Variants in GRIK2 observed in about 807,000 individuals in gnomAD.
GRIK2 encodes the protein glutamate receptor ionotropic, kainate 2.
A neutral mutation model predicts 100.3 loss-of-function variants in GRIK2; 32 were observed. That is an observed-to-expected ratio of 0.32 (90% confidence interval 0.24 to 0.43). GRIK2 has a LOEUF of 0.43. Ranked by LOEUF, GRIK2 falls within the 20% of genes least tolerant of loss-of-function variation. GRIK2 has a pLI of 1.00. For synonymous variants in GRIK2, 417 were observed against 389.4 expected (o/e 1.07, Z -0.83); for missense variants, 843 against 1,114.9 (o/e 0.76, Z 3.47).
At chr6:101,834,211 C>A (rs1477174611) in intron 10 of GRIK2, among the ~76,000 whole-genome samples, 1 of 151,932 alleles carries the variant, frequency 6.6e-6, no homozygotes, top group Non-Finnish European at 1.5e-5. Flanking sequence ...ACATAAAATT[C>A]TTTGAGGCTT....
chr6:102,061,788 T>C (rs1378211231), intron 16 of GRIK2, among the ~76,000 whole-genome samples: 1 of 150,498 alleles, frequency 6.6e-6, no homozygotes, highest in Non-Finnish European at 1.5e-5. Context: ...CATAACTGGC[T>C]TATAACAAGC....
chr6:101,520,608 G>A (rs1361181165), intron 2 of GRIK2, among the ~76,000 whole-genome samples: 1 of 152,000 alleles, frequency 6.6e-6, no homozygotes, highest in Non-Finnish European at 1.5e-5. Flanking sequence ...AACTGACCAA[G>A]AACTTCTTGT....
chr6:101,789,072 ATTTG>A (rs1163861014), intron 7 of GRIK2, among the ~76,000 whole-genome samples: 5 of 151,744 alleles, frequency 3.3e-5, no homozygotes, highest in African/African-American at 1.2e-4. Context: ...TTTCTTGTCA[ATTTG>A]TTTGAGTTCA....
chr6:101,804,664 T>C (rs942333826), intron 9 of GRIK2, among the ~76,000 whole-genome samples: 3 of 151,784 alleles, frequency 2.0e-5, no homozygotes, highest in Non-Finnish European at 4.4e-5. Flanking sequence ...AGTAGGGGAA[T>C]TACTAGTAGA....
chr6:101,445,604 C>A (rs1368860668), intron 2 of GRIK2, among the ~76,000 whole-genome samples: 1 of 152,076 alleles, frequency 6.6e-6, no homozygotes, highest in Non-Finnish European at 1.5e-5. Context: ...AATTTTCTTT[C>A]ATCTTTCCAT....
chr6:101,875,816 T>A (rs1397602989), intron 11 of GRIK2, among the ~76,000 whole-genome samples: 1 of 151,956 alleles, frequency 6.6e-6, no homozygotes, highest in African/African-American at 2.4e-5. Context: ...CTTAGGAAGC[T>A]TAGACTGATC....
At chr6:101,802,867 A>G (rs1439447593) in intron 9 of GRIK2, among the ~76,000 whole-genome samples, 1 of 151,812 alleles carries the variant, frequency 6.6e-6, no homozygotes, top group Non-Finnish European at 1.5e-5. Context: ...TATTTAAGTG[A>G]AATATTTGAA....
intron 2 of GRIK2, among the ~76,000 whole-genome samples, chr6:101,518,917 T>A (rs2399709): frequency 0.1 from 15,636 of 152,146 alleles, 969 homozygotes; most frequent in Middle Eastern, 0.14. Context: ...AATGCTGATT[T>A]TTAAACAAGT....
chr6:101,874,737 T>C (rs1408812693), intron 11 of GRIK2, among the ~76,000 whole-genome samples: 1 of 151,402 alleles, frequency 6.6e-6, no homozygotes. Context: ...GAGCATGGAG[T>C]GTTCTTCCAT....
At chr6:101,771,151 T>A (rs1456343318) in intron 7 of GRIK2, among the ~76,000 whole-genome samples, 1 of 152,274 alleles carries the variant, frequency 6.6e-6, no homozygotes, top group Non-Finnish European at 1.5e-5. Flanking sequence ...TGTTATCATT[T>A]GATTCTTTCA....
chr6:101,837,169 G>C (rs1240144876), intron 10 of GRIK2, among the ~76,000 whole-genome samples: 1 of 152,090 alleles, frequency 6.6e-6, no homozygotes, highest in Non-Finnish European at 1.5e-5. Context: ...ACAATAGATA[G>C]ATTCTGTTTG....
At chr6:102,039,353 C>T (rs966776713) in intron 15 of GRIK2, among the ~76,000 whole-genome samples, 2 of 151,554 alleles carry the variant, frequency 1.3e-5, no homozygotes, top group Non-Finnish European at 1.5e-5. Flanking sequence ...ACTGCAGCAA[C>T]GTTATTTTAA....
At chr6:101,637,901 T>C (rs1294821253) in intron 4 of GRIK2, among the ~76,000 whole-genome samples, 1 of 152,212 alleles carries the variant, frequency 6.6e-6, no homozygotes, top group Non-Finnish European at 1.5e-5. Context: ...GATGTGTCTT[T>C]CCCATTTGGT....
At chr6:101,874,156 C>T (rs1447571921) in intron 11 of GRIK2, among the ~76,000 whole-genome samples, 2 of 152,116 alleles carry the variant, frequency 1.3e-5, no homozygotes, top group East Asian at 1.9e-4. Flanking sequence ...GTGTTTTAGA[C>T]ATGAAGTCCT....
chr6:101,907,345 A>T (rs1279234550), intron 12 of GRIK2, among the ~76,000 whole-genome samples: 2 of 150,470 alleles, frequency 1.3e-5, no homozygotes, highest in Non-Finnish European at 3.0e-5. Context: ...TGCATACAGC[A>T]TTTCAAATAA....
At chr6:102,027,556 G>A (rs1769767897) in intron 14 of GRIK2, among the ~76,000 whole-genome samples, 1 of 138,194 alleles carries the variant, frequency 7.2e-6, no homozygotes, top group African/African-American at 2.5e-5. Flanking sequence ...TCTTTGCATG[G>A]TGGATGTGTT....
At chr6:101,846,215 A>G (rs991061599) in intron 10 of GRIK2, among the ~76,000 whole-genome samples, 5 of 152,244 alleles carry the variant, frequency 3.3e-5, no homozygotes, top group Admixed American at 3.3e-4. Context: ...TTGGTGTCAT[A>G]TCAAAAAATC....
chr6:101,542,193 C>G (rs998171248), intron 2 of GRIK2, among the ~76,000 whole-genome samples: 1 of 151,304 alleles, frequency 6.6e-6, no homozygotes, highest in African/African-American at 2.4e-5. Context: ...AAAAGTAGAA[C>G]TAATCATAGT....
chr6:101,859,384 C>T lies in GRIK2; in HGVS notation c.1415C>T (p.Thr472Ile), dbSNP rs750494614. Residue 472 changes from threonine (T) to isoleucine (I), a missense_variant, in exon 11 of 17, where the codon ACA becomes ATA. By Grantham distance (89) the Thr-to-Ile change is moderately conservative. This residue lies in a region of GRIK2 where 519 missense variants were observed against 643.8 expected (regional missense o/e 0.81). Coordinates refer to ENST00000369134, the MANE Select transcript of GRIK2 (RefSeq NM_021956.5). The stretch of plus-strand genomic sequence containing the variant: ...ATTGATCTCCTCAGAGAGTTATCTA[C>T]AATCCTTGGCTTTACATATGAAATT... ...YCIDLLRELS[T>I]ILGFTYEIRL... The T allele has an allele frequency of 8.1e-6, 13 of 1,600,372 alleles. No individual in the cohort carries two copies. The Admixed American group carries it at 8.3e-5, about 10-fold the overall frequency.
Sources: allele counts gnomAD v4.1 joint callset (sites outside exome capture counted in the v4.1 genomes callset), GRCh38; gene constraint gnomAD v4.1.1; regional missense constraint gnomAD v4.1.1; transcripts MANE v1.5; gene names NCBI Gene and HGNC (gene_info 2026-07-23, HGNC 2026-07-21).